The following NUBPL variants were observed in gnomAD, a reference collection of about 807,000 sequenced individuals.
NUBPL encodes the protein iron-sulfur cluster transfer protein NUBPL.
NUBPL carries 31 observed loss-of-function variants against 45.7 expected under a neutral mutation model. The observed-to-expected ratio is 0.68, with a 90% confidence interval of 0.51 to 0.92. The LOEUF is 0.92. Ranked by LOEUF, NUBPL falls within the 40% of genes least tolerant of loss-of-function variation. The pLI, the probability that NUBPL is intolerant of heterozygous loss-of-function variation, is 0.00. For synonymous variants in NUBPL, 144 were observed against 140.9 expected (o/e 1.02, Z -0.15); for missense variants, 401 against 398.7 (o/e 1.01, Z -0.05).
Position 31,820,903 on chromosome 14 carries a change from C to A in NUBPL, c.608-5726C>A, listed in dbSNP as rs1364525704. Among the ~76,000 whole-genome samples the A allele has an allele frequency of 2.0e-5, 3 of 151,010 alleles. No individual in the cohort carries two copies. In the South Asian group the frequency reaches 6.3e-4, roughly 32 times the overall value. On this transcript the variant is annotated intron_variant, in intron 7 of 10. Transcript: ENST00000281081. Reference sequence around the variant, plus strand: ...TGGGAAGCTGAGGTGGGTGGATCACCTGAGGTCAGGGGTTCGAGACCAGCC... The same window carrying A: ...TGGGAAGCTGAGGTGGGTGGATCACATGAGGTCAGGGGTTCGAGACCAGCC...
intron 7 of NUBPL, among the ~76,000 whole-genome samples, chr14:31,793,456 C>T (rs2039419854): frequency 6.6e-6 from 1 of 152,178 alleles, no homozygotes. Flanking sequence ...TGGATTATTC[C>T]TATAGCACTT....
At chr14:31,593,549 T>C (rs142998123) in intron 3 of NUBPL, among the ~76,000 whole-genome samples, 1 of 149,880 alleles carries the variant, frequency 6.7e-6, no homozygotes, top group African/African-American at 2.4e-5. Context: ...AGTGAGGGTT[T>C]TGGTATGGGG....
At chr14:31,673,207 T>G in intron 4 of NUBPL, 148 bp from the exon 5 acceptor site, 1 of 649,518 alleles carries the variant, frequency 1.5e-6, no homozygotes, top group East Asian at 2.8e-5. Flanking sequence ...AATGTAGACA[T>G]GTATCATAAC....
At chr14:31,813,809 G>C (rs907317708) in intron 7 of NUBPL, among the ~76,000 whole-genome samples, 8 of 152,112 alleles carry the variant, frequency 5.3e-5, no homozygotes, top group Admixed American at 3.9e-4. Context: ...TCCTGTGTTA[G>C]TTTGCTGAAA....
intron 6 of NUBPL, among the ~76,000 whole-genome samples, chr14:31,738,534 TA>T (rs2038209661): frequency 6.6e-6 from 1 of 152,218 alleles, no homozygotes; most frequent in Admixed American, 6.5e-5. Flanking sequence ...ATTATCTCTC[TA>T]TAAATTTTTT....
intron 3 of NUBPL, among the ~76,000 whole-genome samples, chr14:31,569,734 G>A (rs2033531271): frequency 6.6e-6 from 1 of 152,052 alleles, no homozygotes. Context: ...CTCGTATCAT[G>A]TTGTTAGCTT....
chr14:31,772,705 G>A (rs1186441957), intron 6 of NUBPL, among the ~76,000 whole-genome samples: 2 of 152,180 alleles, frequency 1.3e-5, no homozygotes, highest in African/African-American at 4.8e-5. Flanking sequence ...GTCAGGGCCA[G>A]CCTGCTGTGT....
At position 31,846,604 on chromosome 14, in the gene NUBPL, G is replaced by T; in HGVS notation, c.814+13G>T. 1 of 1,613,164 alleles carries T rather than the reference G, an allele frequency of 6.2e-7. No individual in the cohort carries two copies. The highest frequency in any genetic ancestry group is 8.5e-7 in the Non-Finnish European group (1 of 1,179,600). On this transcript the variant is annotated intron_variant, in intron 9 of 10. Transcript: ENST00000281081. The stretch of plus-strand genomic sequence containing the variant: ...CTTGAAGTTCTAGGTAAGACTGTGG[G>T]ATGTTCTTTTGTAGAAGAAGTGGCA...
intron 3 of NUBPL, among the ~76,000 whole-genome samples, chr14:31,578,481 A>G (rs1403903860): frequency 6.6e-6 from 1 of 152,220 alleles, no homozygotes; most frequent in Non-Finnish European, 1.5e-5. Flanking sequence ...ACTATGTGAA[A>G]GGGCTTGGGT....
At position 31,743,418 on chromosome 14, in the gene NUBPL, C is replaced by T. The variant is rs562328237; in HGVS notation, c.514-44362C>T. Among the ~76,000 whole-genome samples, 13 of 152,214 alleles carry T rather than the reference C, an allele frequency of 8.5e-5. 1 individual carries two copies. The highest frequency in any genetic ancestry group is 1.3e-4 in the Non-Finnish European group (9 of 68,034). On this transcript the variant is annotated intron_variant, in intron 6 of 10. Coordinates refer to ENST00000281081, the MANE Select transcript of NUBPL (RefSeq NM_025152.3). ...AAATTGAGACAGAGTCTTGCTCTGT[C>T]GCCCATGCTGGAGTGCAGTGGCGCA... is the stretch of plus-strand genomic sequence containing the variant.
At chr14:31,713,310 T>G (rs2037618158) in intron 6 of NUBPL, among the ~76,000 whole-genome samples, 2 of 152,240 alleles carry the variant, frequency 1.3e-5, no homozygotes, top group Non-Finnish European at 2.9e-5. Flanking sequence ...ACCATAGTTT[T>G]TCGTCTTTGA....
intron 9 of NUBPL, among the ~76,000 whole-genome samples, chr14:31,849,474 A>G (rs2040504978): frequency 6.6e-6 from 1 of 152,188 alleles, no homozygotes; most frequent in African/African-American, 2.4e-5. Flanking sequence ...TGTGTCCTCA[A>G]GAAAACACAC....
At chr14:31,770,026 G>T (rs978608333) in intron 6 of NUBPL, among the ~76,000 whole-genome samples, 2 of 151,828 alleles carry the variant, frequency 1.3e-5, no homozygotes, top group Admixed American at 6.6e-5. Context: ...CTTGATTTTT[G>T]CCAAACTTCC....
chr14:31,706,073 C>T (rs1299047730), intron 6 of NUBPL, among the ~76,000 whole-genome samples: 1 of 152,160 alleles, frequency 6.6e-6, no homozygotes, highest in South Asian at 2.1e-4. Context: ...AAGGGCTCCT[C>T]GAGCACAGCC....
At chr14:31,592,465 TGAG>T (rs892574896) in intron 3 of NUBPL, among the ~76,000 whole-genome samples, 6 of 152,182 alleles carry the variant, frequency 3.9e-5, no homozygotes, top group Non-Finnish European at 4.4e-5. Flanking sequence ...GCAGCCCTGT[TGAG>T]AAGAAAGGCT....
intron 3 of NUBPL, among the ~76,000 whole-genome samples, chr14:31,574,587 T>C (rs2033672506): frequency 1.5e-5 from 2 of 133,368 alleles, no homozygotes; most frequent in Non-Finnish European, 1.6e-5. Flanking sequence ...TCCTTCTTTT[T>C]TTTTTTTTTT....
intron 4 of NUBPL, among the ~76,000 whole-genome samples, chr14:31,656,739 A>G (rs1451006917): frequency 6.6e-6 from 1 of 152,222 alleles, no homozygotes; most frequent in Non-Finnish European, 1.5e-5. Flanking sequence ...ACATACTAAT[A>G]ATAAAAAAGT....
intron 3 of NUBPL, 83 bp downstream of exon 3, chr14:31,565,131 C>G: frequency 1.2e-6 from 1 of 803,338 alleles, no homozygotes; most frequent in Non-Finnish European, 2.1e-6. Flanking sequence ...TTTTTATTTA[C>G]TCTGTCAGAA....
intron 8 of NUBPL, 92 bp from the exon 9 acceptor site, chr14:31,846,379 A>C (rs534672784): frequency 7.1e-6 from 7 of 984,742 alleles, no homozygotes; most frequent in Non-Finnish European, 9.5e-6. Context: ...GAGTGCCACT[A>C]GAACTCAGTA....
Sources: gnomAD v4.1 joint callset for allele counts (sites outside exome capture counted in the v4.1 genomes callset) on GRCh38, gnomAD v4.1.1 for gene constraint, MANE v1.5 for transcripts, NCBI Gene and HGNC (gene_info 2026-07-23, HGNC 2026-07-21) for gene names.